SYT14: variants seen among roughly 807,000 people sequenced by gnomAD.
The protein encoded by SYT14 is synaptotagmin 14, also known as synaptotagmin-14.
In SYT14, 32 loss-of-function variants were observed where a neutral mutation model predicts 74.2. The ratio of observed to expected loss-of-function variants is 0.43; its 90% CI spans 0.33 to 0.58. The LOEUF (loss-of-function observed/expected upper bound fraction) is 0.58, where lower values mean the gene tolerates loss of function less well. SYT14 is among the 20% of genes least tolerant of loss of function. The probability of loss-of-function intolerance (pLI) is 0.05; values close to 1 mark genes in which losing one functional copy is unlikely to be tolerated. For missense variants in SYT14, 791 were observed against 981.8 expected (o/e 0.81, Z 2.60); for synonymous variants, 298 against 337.7 (o/e 0.88, Z 1.29).
exon 10 of SYT14, chr1:210,163,414 G>A: frequency 2.2e-6 from 1 of 453,582 alleles, no homozygotes; most frequent in South Asian, 1.6e-5. Flanking sequence ...CAGCTGCCAA[G>A]TCCTCAAAGA....
intron 5 of SYT14, among the ~76,000 whole-genome samples, chr1:210,083,061 A>G (rs1439204940): frequency 6.6e-6 from 1 of 151,586 alleles, no homozygotes; most frequent in African/African-American, 2.4e-5. Flanking sequence ...CCTGATTGCA[A>G]CCTCCACCTC....
At chr1:209,988,725 A>G (rs1166528878) in intron 2 of SYT14, among the ~76,000 whole-genome samples, 2 of 152,176 alleles carry the variant, frequency 1.3e-5, no homozygotes, top group South Asian at 2.1e-4. Flanking sequence ...AAAATTCTGG[A>G]TCTTCAGAAT....
At chr1:210,043,926 A>T (rs1005798924) in intron 5 of SYT14, among the ~76,000 whole-genome samples, 1 of 152,146 alleles carries the variant, frequency 6.6e-6, no homozygotes, top group African/African-American at 2.4e-5. Flanking sequence ...TTTTATTAGG[A>T]TAATACCGAG....
intron 2 of SYT14, among the ~76,000 whole-genome samples, chr1:210,009,572 T>A (rs777530514): frequency 1.4e-4 from 22 of 152,094 alleles, no homozygotes; most frequent in Non-Finnish European, 2.9e-4. Flanking sequence ...ATAAGATATT[T>A]ACCATTAATA....
At chr1:210,099,210 T>TA (rs2082017056) in intron 6 of SYT14, among the ~76,000 whole-genome samples, 1 of 152,182 alleles carries the variant, frequency 6.6e-6, no homozygotes, top group African/African-American at 2.4e-5. Flanking sequence ...GGTAACTAGC[T>TA]AAAACCCCTA....
chr1:209,995,306 A>C (rs1249746293), intron 2 of SYT14, among the ~76,000 whole-genome samples: 2 of 152,190 alleles, frequency 1.3e-5, no homozygotes, highest in African/African-American at 4.8e-5. Context: ...AGATATGCAA[A>C]CAGAAACCAA....
At chr1:209,985,995 A>G (rs895530391) in intron 2 of SYT14, among the ~76,000 whole-genome samples, 1 of 152,192 alleles carries the variant, frequency 6.6e-6, no homozygotes, top group East Asian at 1.9e-4. Context: ...CTAGGCTTCA[A>G]GACCTTTGGT....
At chr1:209,968,291 C>A (rs1461810889) in intron 2 of SYT14, among the ~76,000 whole-genome samples, 1 of 152,186 alleles carries the variant, frequency 6.6e-6, no homozygotes, top group East Asian at 1.9e-4. Context: ...TTAGGGGTCA[C>A]TCTTGGTGTT....
intron 5 of SYT14, among the ~76,000 whole-genome samples, chr1:210,047,391 A>AT (rs2080905642): frequency 6.6e-6 from 1 of 151,936 alleles, no homozygotes; most frequent in Admixed American, 6.6e-5. Flanking sequence ...AATTTGAAGA[A>AT]TTTACTTGAT....
chr1:210,161,604 G>GC, exon 10 of SYT14: 1 of 453,950 alleles, frequency 2.2e-6, no homozygotes, highest in Admixed American at 2.4e-5. Context: ...GGTTCATTGT[G>GC]CCTCAGTTCC....
intron 1 of SYT14, among the ~76,000 whole-genome samples, chr1:209,951,517 T>C (rs1009283171): frequency 4.6e-5 from 7 of 152,220 alleles, no homozygotes; most frequent in Non-Finnish European, 1.0e-4. Context: ...TACCACATTT[T>C]CTTTATCCAT....
At chr1:210,055,544 C>T (rs2743889) in intron 5 of SYT14, among the ~76,000 whole-genome samples, 52,120 of 151,640 alleles carry the variant, frequency 0.34, 9,911 homozygotes, top group Non-Finnish European at 0.42. Context: ...TGGCCAGACA[C>T]GGTGGCTCAT....
chr1:210,018,552 A>G (rs114520979), intron 4 of SYT14, among the ~76,000 whole-genome samples: 2,108 of 152,300 alleles, frequency 0.014, 25 homozygotes, highest in Middle Eastern at 0.024. Context: ...TTTACATATT[A>G]TTTTATTCAG....
At chr1:210,096,521 G>T (rs2081969633) in intron 6 of SYT14, among the ~76,000 whole-genome samples, 1 of 152,202 alleles carries the variant, frequency 6.6e-6, no homozygotes, top group East Asian at 1.9e-4. Context: ...ACCACACTGT[G>T]TGAGTCCTGT....
chr1:210,047,314 TTA>T (rs2080903947), intron 5 of SYT14, among the ~76,000 whole-genome samples: 1 of 152,030 alleles, frequency 6.6e-6, no homozygotes, highest in Non-Finnish European at 1.5e-5. Flanking sequence ...AATAAAAAAA[TTA>T]TGTGGATTTT....
intron 4 of SYT14, 27 bp from the exon 4 acceptor site, chr1:210,021,012 G>T: frequency 1.9e-6 from 3 of 1,606,566 alleles, no homozygotes; most frequent in Non-Finnish European, 2.6e-6. Context: ...TTCAATTACC[G>T]TTTGTTCTTC....
At chr1:209,981,858 T>A (rs1332356788) in intron 2 of SYT14, among the ~76,000 whole-genome samples, 1 of 152,156 alleles carries the variant, frequency 6.6e-6, no homozygotes, top group Non-Finnish European at 1.5e-5. Context: ...GGGGCTCCAT[T>A]TGTGCATGAT....
At chr1:210,078,371 A>G (rs944211062) in intron 5 of SYT14, among the ~76,000 whole-genome samples, 28 of 151,160 alleles carry the variant, frequency 1.9e-4, no homozygotes, top group Admixed American at 1.8e-3. Flanking sequence ...AAATGGCCTG[A>G]CAGGGTTGGT....
intron 5 of SYT14, among the ~76,000 whole-genome samples, chr1:210,027,292 G>A (rs951970474): frequency 1.3e-5 from 2 of 151,912 alleles, no homozygotes; most frequent in Non-Finnish European, 1.5e-5. Flanking sequence ...GCCCATGCCT[G>A]TAACCTTAAT....
Sources: allele counts gnomAD v4.1 joint callset (sites outside exome capture counted in the v4.1 genomes callset), GRCh38; gene constraint gnomAD v4.1.1; transcripts MANE v1.5; gene names NCBI Gene and HGNC (gene_info 2026-07-23, HGNC 2026-07-21).